Variants in DAB2IP observed in about 807,000 individuals in gnomAD.
DAB2IP encodes disabled homolog 2-interacting protein.
DAB2IP carries 28 observed loss-of-function variants against 107.2 expected under a neutral mutation model. That is an observed-to-expected ratio of 0.26 (90% CI 0.19 to 0.36). The LOEUF is 0.36. DAB2IP is among the 10% of genes least tolerant of loss of function. DAB2IP has a pLI of 1.00. For synonymous variants in DAB2IP, 755 were observed against 706.4 expected (o/e 1.07, Z -1.09); for missense variants, 1,400 against 1,644.7 (o/e 0.85, Z 2.57).
At chr9:121,643,780 C>G (rs1564129959) in intron 1 of DAB2IP, among the ~76,000 whole-genome samples, 1 of 150,186 alleles carries the variant, frequency 6.7e-6, no homozygotes, top group African/African-American at 2.4e-5. Context: ...TTGCCATCAT[C>G]TCTCCCACTG....
rs1371399607 is a variant in DAB2IP, at chr9:121,633,324, A to G, written c.41-45354A>G. Reference sequence around the variant, plus strand: ...AGGCCTATAAATTAATCATGTGCACAAAGAGGGCCTTGTTCTCTCTTGTCA... The same window carrying G: ...AGGCCTATAAATTAATCATGTGCACGAAGAGGGCCTTGTTCTCTCTTGTCA... On this transcript the variant is annotated intron_variant, in intron 1 of 16. Transcript: ENST00000259371. The surrounding 1 kb of genome is among the most constrained non-coding windows in gnomAD (Gnocchi z 5.1). 2.0e-5 allele frequency among the ~76,000 whole-genome samples: 3 copies of G among 152,108 alleles called. No homozygotes were observed. Among genetic ancestry groups the G allele is most frequent in the East Asian group, 1.9e-4 (1 of 5,168 alleles).
At chr9:121,742,257 G>A (rs1012524246) in intron 3 of DAB2IP, among the ~76,000 whole-genome samples, 4 of 152,280 alleles carry the variant, frequency 2.6e-5, no homozygotes, top group Admixed American at 1.3e-4. Flanking sequence ...GTGAAACCCC[G>A]TCTCTACTAA....
chr9:121,708,308 T>C (rs1830159710), intron 3 of DAB2IP, among the ~76,000 whole-genome samples: 1 of 152,210 alleles, frequency 6.6e-6, no homozygotes, highest in South Asian at 2.1e-4. Context: ...GGCAAGTCCA[T>C]TCCCTGGTTG....
intron 1 of DAB2IP, among the ~76,000 whole-genome samples, chr9:121,579,445 C>T (rs530318610): frequency 6.6e-6 from 1 of 152,244 alleles, no homozygotes; most frequent in East Asian, 1.9e-4. Context: ...AGGCCAGGCC[C>T]TCTGCAGTCC....
At chr9:121,615,114 G>C (rs1402886289) in intron 1 of DAB2IP, among the ~76,000 whole-genome samples, 1 of 152,120 alleles carries the variant, frequency 6.6e-6, no homozygotes, top group Admixed American at 6.5e-5. Context: ...CTGCCTTAGT[G>C]TATCCTTGTT....
chr9:121,625,784 T>C (rs1831624129), intron 1 of DAB2IP, among the ~76,000 whole-genome samples: 1 of 152,002 alleles, frequency 6.6e-6, no homozygotes, highest in Non-Finnish European at 1.5e-5. Context: ...GTATGGTGTG[T>C]GTTTATTTTA....
intron 1 of DAB2IP, among the ~76,000 whole-genome samples, chr9:121,654,461 T>A (rs1015830494): frequency 6.6e-6 from 1 of 152,006 alleles, no homozygotes; most frequent in African/African-American, 2.4e-5. Context: ...TTTGTTTTTT[T>A]AAAAAAAGAA....
intron 2 of DAB2IP, among the ~76,000 whole-genome samples, chr9:121,693,201 G>A (rs1180184523): frequency 1.3e-5 from 2 of 152,150 alleles, no homozygotes; most frequent in Non-Finnish European, 1.5e-5. Context: ...TGGTGACGCT[G>A]GGCAGGTCCC....
chr9:121,660,582 G>C (rs1445430493), intron 1 of DAB2IP, among the ~76,000 whole-genome samples: 1 of 152,156 alleles, frequency 6.6e-6, no homozygotes, highest in Non-Finnish European at 1.5e-5. Context: ...ACACAGGAGA[G>C]AGGATGCCGC....
chr9:121,651,763 G>GGCGGGCGGCAGCATGTCC lies in DAB2IP; in HGVS notation c.1_18dup. On this transcript the variant is annotated 5_prime_UTR_variant, in exon 1 of 16. In the 5' UTR this introduces an upstream ATG that the reference lacks. Transcript: ENST00000408936. The surrounding 1 kb of genome is among the most constrained non-coding windows in gnomAD (Gnocchi z 5.1). ...CGCGCCCAGGCCCGGCCCGGTGCCC[G>GGCGGGCGGCAGCATGTCC]GCGGGCGGCAGCATGTCCGCGGGCG... The GGCGGGCGGCAGCATGTCC allele has an allele frequency of 1.5e-6, 2 of 1,338,140 alleles. No homozygotes were observed. Among genetic ancestry groups the GGCGGGCGGCAGCATGTCC allele is most frequent in the Non-Finnish European group, 1.9e-6 (2 of 1,039,190 alleles). The allele number at this position is 1,338,140 out of a possible 1,614,324, so 82.9% of individuals were successfully genotyped here. A position where few individuals can be genotyped will look rare whatever the true frequency, so the allele number is the denominator to read the frequency against.
upstream of DAB2IP, among the ~76,000 whole-genome samples, chr9:121,649,590 G>A (rs1168570852): frequency 1.3e-5 from 2 of 152,180 alleles, no homozygotes; most frequent in African/African-American, 2.4e-5. Flanking sequence ...GAGCAGGACC[G>A]TTGCCCCCGT....
In DAB2IP at chr9:121,634,053, T is replaced by C. The variant is rs1325482037; in HGVS notation, c.41-44625T>C. ...GAGACTCTCTGTGGAAGCCTATGTG[T>C]CCCACCAGACTGTCAGCTCTCTGAG... On this transcript the variant is annotated intron_variant, in intron 1 of 16. Coordinates refer to the DAB2IP transcript ENST00000259371. The surrounding 1 kb of genome is among the most constrained non-coding windows in gnomAD (Gnocchi z 4.7). Among the ~76,000 whole-genome samples the C allele has an allele frequency of 6.6e-6, 1 of 152,160 alleles. No homozygotes were observed. Among genetic ancestry groups the C allele is most frequent in the Non-Finnish European group, 1.5e-5 (1 of 68,020 alleles).
chr9:121,759,873 G>T lies in DAB2IP; in HGVS notation c.616-12G>T, dbSNP rs764821242. The T allele has an allele frequency of 3.1e-6, 5 of 1,607,172 alleles. No individual in the cohort carries two copies. Among genetic ancestry groups the T allele is most frequent in the Non-Finnish European group, 4.3e-6 (5 of 1,175,812 alleles). ...CCCCAGCTGACCACCCTGGACCCCC[G>T]TGCACATACAGGACAACAGCCGGCG... On this transcript the variant is annotated splice_polypyrimidine_tract_variant and intron_variant, in intron 5 of 15. Coordinates refer to ENST00000408936, the Ensembl canonical transcript of DAB2IP.
chr9:121,709,943 CG>C (rs759068091), intron 3 of DAB2IP, among the ~76,000 whole-genome samples: 40 of 152,206 alleles, frequency 2.6e-4, no homozygotes, highest in Non-Finnish European at 4.3e-4. Context: ...ACATCCTATG[CG>C]CCAGGCCCTG....
At chr9:121,783,443 G>A in exon 16 of DAB2IP, 1 of 1,611,714 alleles carries the variant, frequency 6.2e-7, no homozygotes, top group East Asian at 2.2e-5. Context: ...GAAAGAAAAG[G>A]TGATCCTTCC....
At chr9:121,717,648 G>A (rs1273436630) in intron 3 of DAB2IP, among the ~76,000 whole-genome samples, 3 of 152,172 alleles carry the variant, frequency 2.0e-5, no homozygotes, top group African/African-American at 4.8e-5. Context: ...TCTGGCTGCC[G>A]TGCCTCACCC....
At chr9:121,590,479 G>C (rs190282381) in intron 1 of DAB2IP, among the ~76,000 whole-genome samples, 1 of 152,098 alleles carries the variant, frequency 6.6e-6, no homozygotes, top group East Asian at 1.9e-4. Flanking sequence ...AAACAGATGG[G>C]GCTTGAGAAC....
At chr9:121,756,123 C>A (rs994617958) in intron 3 of DAB2IP, among the ~76,000 whole-genome samples, 3 of 152,190 alleles carry the variant, frequency 2.0e-5, no homozygotes, top group Non-Finnish European at 2.9e-5. Context: ...ACCGTGGGGG[C>A]TGGGGGCTCT....
chr9:121,576,362 C>G (rs138558108), intron 1 of DAB2IP: 1 of 152,434 alleles, frequency 6.6e-6, no homozygotes, highest in African/African-American at 2.4e-5. Context: ...GCCTCTCTCT[C>G]TCCCTTACCT....
Sources: allele counts gnomAD v4.1 joint callset (sites outside exome capture counted in the v4.1 genomes callset), GRCh38; gene constraint gnomAD v4.1.1; non-coding constraint Gnocchi (gnomAD v3.1); transcripts MANE v1.5; gene names NCBI Gene and HGNC (gene_info 2026-07-23, HGNC 2026-07-21).